The following LRMDA variants were observed in gnomAD, a reference collection of about 807,000 sequenced individuals.
The protein encoded by LRMDA is leucine rich melanocyte differentiation associated, also known as leucine-rich melanocyte differentiation-associated protein.
LRMDA carries 18 observed loss-of-function variants against 29.8 expected under a neutral mutation model. That is an observed-to-expected ratio of 0.60 (90% CI 0.42 to 0.90). The LOEUF (loss-of-function observed/expected upper bound fraction) is 0.90, where lower values mean the gene tolerates loss of function less well. Ranked by LOEUF, LRMDA falls within the 40% of genes least tolerant of loss-of-function variation. The probability of loss-of-function intolerance (pLI) is 0.00; values close to 1 mark genes in which losing one functional copy is unlikely to be tolerated. For synonymous variants in LRMDA, 125 were observed against 109.4 expected (o/e 1.14, Z -0.89); for missense variants, 273 against 273.9 (o/e 1.00, Z 0.02).
chr10:75,841,249 C>T (rs1245162553), intron 2 of LRMDA, among the ~76,000 whole-genome samples: 1 of 152,198 alleles, frequency 6.6e-6, no homozygotes, highest in Non-Finnish European at 1.5e-5. Context: ...CTTCCATGGG[C>T]CTTCTCACTC....
At chr10:76,145,501 A>G (rs996409978) in intron 5 of LRMDA, among the ~76,000 whole-genome samples, 5 of 152,178 alleles carry the variant, frequency 3.3e-5, no homozygotes, top group African/African-American at 1.2e-4. Context: ...GTATTCTCTG[A>G]TAGTAGTTTG....
intron 2 of LRMDA, among the ~76,000 whole-genome samples, chr10:75,471,991 TC>T (rs1210812165): frequency 6.6e-6 from 1 of 152,004 alleles, no homozygotes; most frequent in Non-Finnish European, 1.5e-5. Context: ...CCCCTCATCT[TC>T]CCCTCTTCCT....
intron 2 of LRMDA, among the ~76,000 whole-genome samples, chr10:75,465,400 A>G (rs1216952608): frequency 6.6e-6 from 1 of 152,234 alleles, no homozygotes; most frequent in East Asian, 1.9e-4. Context: ...AGGTCTGTGC[A>G]TGCAGACACA....
chr10:75,762,173 G>C (rs1843105839), intron 2 of LRMDA, among the ~76,000 whole-genome samples: 1 of 152,132 alleles, frequency 6.6e-6, no homozygotes, highest in African/African-American at 2.4e-5. Flanking sequence ...AGTTGTGCAG[G>C]GCACAGTAAC....
intron 2 of LRMDA, among the ~76,000 whole-genome samples, chr10:75,568,213 G>A (rs1003313475): frequency 1.8e-4 from 27 of 152,178 alleles, no homozygotes; most frequent in African/African-American, 6.5e-4. Flanking sequence ...GGGAATTGCT[G>A]TCTTATTATA....
intron 2 of LRMDA, among the ~76,000 whole-genome samples, chr10:75,480,869 T>C (rs3012052): frequency 0.83 from 126,028 of 151,908 alleles, 52,523 homozygotes; most frequent in Admixed American, 0.87. Flanking sequence ...ATTTTAGAGG[T>C]GGTTTTGATG....
chr10:76,054,278 C>A (rs1466402589), intron 4 of LRMDA, among the ~76,000 whole-genome samples: 1 of 152,074 alleles, frequency 6.6e-6, no homozygotes, highest in African/African-American at 2.4e-5. Flanking sequence ...ACTTGGAAAC[C>A]CAGGCTGGCC....
At chr10:76,196,094 C>G (rs1051470920) in intron 5 of LRMDA, among the ~76,000 whole-genome samples, 2 of 152,158 alleles carry the variant, frequency 1.3e-5, no homozygotes, top group African/African-American at 2.4e-5. Context: ...CGAGGTGAGG[C>G]CTGAGTTACT....
chr10:76,557,126 T>C (rs922371589), intron 6 of LRMDA, 83 bp from the exon 7 acceptor site: 2 of 1,084,160 alleles, frequency 1.8e-6, no homozygotes, highest in Admixed American at 3.5e-5. Context: ...TATGATTATC[T>C]TGCATGTCTG....
chr10:76,142,540 T>G (rs1435773069), intron 5 of LRMDA, among the ~76,000 whole-genome samples: 2 of 151,932 alleles, frequency 1.3e-5, no homozygotes, highest in African/African-American at 4.8e-5. Flanking sequence ...TGGGATTTAC[T>G]TTTTTCACTC....
At chr10:76,365,146 T>C (rs1468983399) in intron 6 of LRMDA, among the ~76,000 whole-genome samples, 1 of 132,746 alleles carries the variant, frequency 7.5e-6, no homozygotes, top group Non-Finnish European at 1.7e-5. Flanking sequence ...CTTTATCCAC[T>C]CATTGACTGG....
At chr10:76,282,057 T>C (rs1840213462) in intron 5 of LRMDA, among the ~76,000 whole-genome samples, 1 of 152,212 alleles carries the variant, frequency 6.6e-6, no homozygotes, top group African/African-American at 2.4e-5. Context: ...AGAAAGTTTA[T>C]TTCTGTCCCC....
intron 6 of LRMDA, among the ~76,000 whole-genome samples, chr10:76,530,393 G>GC (rs1843221748): frequency 6.6e-6 from 1 of 152,072 alleles, no homozygotes; most frequent in African/African-American, 2.4e-5. Flanking sequence ...TAAACACTAT[G>GC]CCCAAGGACT....
At chr10:75,484,643 G>A (rs1844891019) in intron 2 of LRMDA, among the ~76,000 whole-genome samples, 1 of 152,156 alleles carries the variant, frequency 6.6e-6, no homozygotes, top group Non-Finnish European at 1.5e-5. Context: ...GGTAATTAAG[G>A]TTAAATGAGG....
chr10:75,504,320 C>T (rs1416852832), intron 2 of LRMDA, among the ~76,000 whole-genome samples: 1 of 152,084 alleles, frequency 6.6e-6, no homozygotes, highest in Non-Finnish European at 1.5e-5. Context: ...ATGTGCCATG[C>T]ATTATGCTGG....
chr10:76,377,600 T>C (rs916690005), intron 6 of LRMDA, among the ~76,000 whole-genome samples: 9 of 152,244 alleles, frequency 5.9e-5, no homozygotes, highest in Admixed American at 4.6e-4. Context: ...CGCATATGGC[T>C]ACCCAATTTT....
In LRMDA at chr10:75,618,380, CTCTATATATA is replaced by C. The variant is rs1352401473; in HGVS notation, c.131+179888_131+179897del. The stretch of plus-strand genomic sequence containing the variant: ...ACTCTCTCTCTCTCTCTCTCTCTCT[CTCTATATATA>C]TATATATATATATATATCAGACTAT... On this transcript the variant is annotated intron_variant, in intron 2 of 6. Coordinates refer to ENST00000611255, the MANE Select transcript of LRMDA (RefSeq NM_001305581.2). Among the ~76,000 whole-genome samples, 539 of 55,284 alleles carry C rather than the reference CTCTATATATA, an allele frequency of 9.7e-3. 4 individuals are homozygous for C. Among genetic ancestry groups the C allele is most frequent in the African/African-American group, 0.022 (369 of 16,834 alleles). The allele number at this position is 55,284 out of a possible 152,430, so 36.3% of individuals were successfully genotyped here. A position where few individuals can be genotyped will look rare whatever the true frequency, so the allele number is the denominator to read the frequency against.
intron 5 of LRMDA, among the ~76,000 whole-genome samples, chr10:76,064,552 A>G (rs1217225321): frequency 1.3e-5 from 2 of 152,112 alleles, no homozygotes; most frequent in African/African-American, 4.8e-5. Flanking sequence ...GCTACACTTA[A>G]TTGTTTTTTA....
chr10:75,558,247 G>A (rs1479195279), intron 2 of LRMDA, among the ~76,000 whole-genome samples: 3 of 148,708 alleles, frequency 2.0e-5, no homozygotes, highest in Admixed American at 6.8e-5. Context: ...CTGAAAATTA[G>A]TCTAACTAAG....
Sources: gnomAD v4.1 joint callset for allele counts (sites outside exome capture counted in the v4.1 genomes callset) on GRCh38, gnomAD v4.1.1 for gene constraint, MANE v1.5 for transcripts, NCBI Gene and HGNC (gene_info 2026-07-23, HGNC 2026-07-21) for gene names.